MIX23: variants seen among roughly 807,000 people sequenced by gnomAD.
MIX23 encodes the protein mitochondrial matrix import factor 23, also known as protein MIX23.
MIX23 carries 13 observed loss-of-function variants against 21.6 expected under a neutral mutation model. That is an observed-to-expected ratio of 0.60 (90% CI 0.39 to 0.96). MIX23 has a LOEUF of 0.96. Ranked by LOEUF, MIX23 falls within the 40% of genes least tolerant of loss-of-function variation. The pLI is 0.00. For synonymous variants in MIX23, 59 were observed against 58.0 expected (o/e 1.02, Z -0.08); for missense variants, 144 against 171.2 (o/e 0.84, Z 0.89).
At chr3:122,383,008 C>T in intron 1 of MIX23, 166 bp downstream of exon 1, 1 of 817,108 alleles carries the variant, frequency 1.2e-6, no homozygotes, top group Non-Finnish European at 2.1e-6. Context: ...AGCAGCCTCG[C>T]TCCCTAAGGC....
At chr3:122,377,329 T>C (rs763499155) in intron 1 of MIX23, among the ~76,000 whole-genome samples, 13 of 152,074 alleles carry the variant, frequency 8.5e-5, no homozygotes, top group Non-Finnish European at 1.5e-4. Flanking sequence ...GAAAGTAGAG[T>C]ATGCCAGTCT....
In MIX23 at chr3:122,359,804, T is replaced by C; in HGVS notation, c.*65A>G. On this transcript the variant is annotated 3_prime_UTR_variant, in exon 5 of 5. Coordinates refer to ENST00000291458, the MANE Select transcript of MIX23 (RefSeq NM_001017928.4). ...CCGCCCTGTTGATATCTGTCATGCT[T>C]AGCTCTTATGAGATGACCCAGTCCT... 14 of 1,419,512 alleles carry C rather than the reference T, an allele frequency of 9.9e-6. No individual in the cohort carries two copies. Among genetic ancestry groups the C allele is most frequent in the Non-Finnish European group, 1.3e-5 (14 of 1,090,802 alleles). The allele number at this position is 1,419,512 out of a possible 1,614,324, so 87.9% of individuals were successfully genotyped here.
intron 4 of MIX23, among the ~76,000 whole-genome samples, chr3:122,360,891 T>C (rs2075353338): frequency 6.6e-6 from 1 of 152,216 alleles, no homozygotes; most frequent in African/African-American, 2.4e-5. Context: ...TCGCCCAGGC[T>C]GGAGTGCAAT....
intron 1 of MIX23, among the ~76,000 whole-genome samples, chr3:122,379,360 A>G (rs977693818): frequency 4.6e-5 from 7 of 152,212 alleles, no homozygotes; most frequent in African/African-American, 1.7e-4. Context: ...TTCAAAATTG[A>G]AAAGGGAGAA....
At chr3:122,376,490 G>A (rs988793008) in intron 1 of MIX23, among the ~76,000 whole-genome samples, 3 of 151,980 alleles carry the variant, frequency 2.0e-5, no homozygotes, top group African/African-American at 4.8e-5. Flanking sequence ...GTGGTGGTAG[G>A]TGCCTGTAAT....
Position 122,364,172 on chromosome 3 carries a change from G to A in MIX23, c.325-1145C>T, listed in dbSNP as rs570648934. 3.9e-5 allele frequency among the ~76,000 whole-genome samples: 6 copies of A among 152,310 alleles called. No individual in the cohort carries two copies. In the South Asian group the frequency reaches 1.2e-3, roughly 32 times the overall value. ...GCAACAACGATAAGAATGGAACTTC[G>A]GACAGATCCAATGGCTCCTTGCAAA... On this transcript the variant is annotated intron_variant, in intron 3 of 4. Transcript: ENST00000291458.
chr3:122,378,877 A>G (rs1206117204), intron 1 of MIX23, among the ~76,000 whole-genome samples: 1 of 152,258 alleles, frequency 6.6e-6, no homozygotes, highest in Non-Finnish European at 1.5e-5. Context: ...AATGCAATTT[A>G]AAATTTAGTT....
intron 4 of MIX23, among the ~76,000 whole-genome samples, chr3:122,362,584 C>G (rs962422519): frequency 2.6e-5 from 4 of 151,860 alleles, no homozygotes; most frequent in Non-Finnish European, 4.4e-5. Flanking sequence ...TGGGTTCGAG[C>G]GATTCTCCTG....
At chr3:122,367,296 G>A (rs573342592) in intron 3 of MIX23, among the ~76,000 whole-genome samples, 1 of 152,204 alleles carries the variant, frequency 6.6e-6, no homozygotes, top group East Asian at 1.9e-4. Context: ...TGGTAAGTTT[G>A]AAATTATACA....
At chr3:122,362,156 A>G (rs1201474443) in intron 4 of MIX23, among the ~76,000 whole-genome samples, 1 of 152,198 alleles carries the variant, frequency 6.6e-6, no homozygotes, top group Non-Finnish European at 1.5e-5. Flanking sequence ...TGCAATGATA[A>G]TAAGGAGCTT....
At chr3:122,364,367 C>G (rs2075381349) in intron 3 of MIX23, among the ~76,000 whole-genome samples, 1 of 152,182 alleles carries the variant, frequency 6.6e-6, no homozygotes, top group Non-Finnish European at 1.5e-5. Flanking sequence ...ATCAGCCATA[C>G]AGACCAAAAT....
At chr3:122,380,401 C>G (rs1007052735) in intron 1 of MIX23, among the ~76,000 whole-genome samples, 1 of 152,164 alleles carries the variant, frequency 6.6e-6, no homozygotes, top group African/African-American at 2.4e-5. Context: ...TCCTCTAACA[C>G]CCAGCATCCC....
At chr3:122,379,940 G>C (rs2075517723) in intron 1 of MIX23, among the ~76,000 whole-genome samples, 1 of 152,246 alleles carries the variant, frequency 6.6e-6, no homozygotes, top group East Asian at 1.9e-4. Flanking sequence ...TGTCTTCTCT[G>C]TAATTGGTGG....
chr3:122,380,398 A>C (rs950457854), intron 1 of MIX23, among the ~76,000 whole-genome samples: 1 of 152,228 alleles, frequency 6.6e-6, no homozygotes, highest in Non-Finnish European at 1.5e-5. Context: ...GAGTCCTCTA[A>C]CACCCAGCAT....
In MIX23 at chr3:122,359,786, G is replaced by A; in HGVS notation, c.*83C>T. On this transcript the variant is annotated 3_prime_UTR_variant, in exon 5 of 5. Coordinates refer to ENST00000291458, the MANE Select transcript of MIX23 (RefSeq NM_001017928.4). The stretch of plus-strand genomic sequence containing the variant: ...GAAATCATCCTAGAAAGCCCGCCCT[G>A]TTGATATCTGTCATGCTTAGCTCTT... 7.7e-7 allele frequency: 1 copy of A among 1,293,884 alleles called. No homozygotes were observed. The highest frequency in any genetic ancestry group is 9.9e-7 in the Non-Finnish European group (1 of 1,006,196). 80.2% of individuals were successfully genotyped at this position (1,293,884 alleles called of 1,614,324 possible).
chr3:122,370,325 C>T (rs890465129), intron 2 of MIX23, among the ~76,000 whole-genome samples: 5 of 151,780 alleles, frequency 3.3e-5, no homozygotes, highest in African/African-American at 7.3e-5. Flanking sequence ...GGCATGGTAG[C>T]GTGTGCCTGT....
chr3:122,363,072 GAA>G, intron 3 of MIX23, 45 bp from the exon 4 acceptor site: 2 of 1,499,646 alleles, frequency 1.3e-6, no homozygotes, highest in Non-Finnish European at 9.2e-7. Flanking sequence ...TAAAGAGCAA[GAA>G]AAAAAACTGA....
chr3:122,379,791 A>C (rs2075516153), intron 1 of MIX23, among the ~76,000 whole-genome samples: 1 of 152,218 alleles, frequency 6.6e-6, no homozygotes, highest in Non-Finnish European at 1.5e-5. Context: ...GCCAAAGATA[A>C]CTTTATAAAT....
chr3:122,360,245 C>T (rs1039320702), intron 4 of MIX23, among the ~76,000 whole-genome samples: 1 of 152,132 alleles, frequency 6.6e-6, no homozygotes, highest in African/African-American at 2.4e-5. Context: ...AACAACAACA[C>T]AAAAATATCT....
Sources: gnomAD v4.1 joint callset for allele counts (sites outside exome capture counted in the v4.1 genomes callset) on GRCh38, gnomAD v4.1.1 for gene constraint, MANE v1.5 for transcripts, NCBI Gene and HGNC (gene_info 2026-07-23, HGNC 2026-07-21) for gene names.